KLHDC8B: variants seen among roughly 807,000 people sequenced by gnomAD.
KLHDC8B encodes kelch domain-containing protein 8B.
In KLHDC8B, 19 loss-of-function variants were observed where a neutral mutation model predicts 26.3. The observed-to-expected ratio is 0.72, with a 90% CI of 0.50 to 1.06. The LOEUF (loss-of-function observed/expected upper bound fraction) is 1.06, where lower values mean the gene tolerates loss of function less well. KLHDC8B is among the 50% of genes least tolerant of loss of function. The probability of loss-of-function intolerance (pLI) is 0.00; values close to 1 mark genes in which losing one functional copy is unlikely to be tolerated. For synonymous variants in KLHDC8B, 150 were observed against 188.4 expected (o/e 0.80, Z 1.67); for missense variants, 411 against 488.1 (o/e 0.84, Z 1.49).
At chr3:49,175,203 G>A (rs1461163279) in intron 5 of KLHDC8B, 40 bp downstream of exon 5, 1 of 1,514,456 alleles carries the variant, frequency 6.6e-7, no homozygotes. Flanking sequence ...GGAGTCCCAA[G>A]ACAGGAAAGA....
rs371827527 is a variant in KLHDC8B, at chr3:49,172,776, G to A, written c.7G>A (p.Ala3Thr). The A allele has an allele frequency of 6.2e-7, 1 of 1,611,790 alleles. No homozygotes were observed. Among genetic ancestry groups the A allele is most frequent in the Non-Finnish European group, 8.5e-7 (1 of 1,178,824 alleles). MS[A>T]GGGRAFAWQV... is the part of the protein sequence containing the mutation. ...GCCACTGGCAGTGAACACCATGTCT[G>A]CAGGAGGTGGCCGGGCCTTTGCTTG... The change falls in exon 2 of 6, where the codon GCA becomes ACA. Residue 3 changes from alanine (A) to threonine (T), a missense_variant. Transcript: ENST00000332780.
At chr3:49,173,425 G>T (rs577501856) in intron 2 of KLHDC8B, among the ~76,000 whole-genome samples, 1 of 152,256 alleles carries the variant, frequency 6.6e-6, no homozygotes, top group African/African-American at 2.4e-5. Context: ...TAAGAGATGG[G>T]GGTGGGATGG....
chr3:49,174,508 GAGA>G, intron 3 of KLHDC8B, 105 bp downstream of exon 3: 1 of 1,326,298 alleles, frequency 7.5e-7, no homozygotes, highest in Non-Finnish European at 1.0e-6. Flanking sequence ...GGCAAAACAA[GAGA>G]AGCTTTGTTG....
chr3:49,174,763 C>G lies in KLHDC8B; in HGVS notation c.563C>G (p.Pro188Arg). 6.2e-7 allele frequency: 1 copy of G among 1,609,874 alleles called. No individual in the cohort carries two copies. The highest frequency in any genetic ancestry group is 1.7e-4 in the Middle Eastern group (1 of 6,040). ...YVLGGRQGKLPVTAFEAFDLE... is the reference protein window; with the variant it reads ...YVLGGRQGKLRVTAFEAFDLE... Reference sequence around the variant, plus strand: ...ACAGGGGGCCGCCAGGGCAAGCTCCCGGTGACTGCTTTTGAAGCCTTTGAT... The same window carrying G: ...ACAGGGGGCCGCCAGGGCAAGCTCCGGGTGACTGCTTTTGAAGCCTTTGAT... Residue 188 changes from proline (P) to arginine (R), a missense_variant, in exon 4 of 6, where the codon CCG (proline) becomes CGG (arginine). Transcript: ENST00000332780.
Position 49,174,259 on chromosome 3 carries a change from G to T in KLHDC8B, c.397G>T (p.Gly133Trp), listed in dbSNP as rs754106384. 19 of 1,613,292 alleles carry T rather than the reference G, an allele frequency of 1.2e-5. No homozygotes were observed. Among genetic ancestry groups the T allele is most frequent in the Non-Finnish European group, 1.5e-5 (18 of 1,179,550 alleles). The change falls in exon 3 of 6, where the codon GGG becomes TGG. Residue 133 changes from glycine (G) to tryptophan (W), a missense_variant. Coordinates refer to ENST00000332780, the MANE Select transcript of KLHDC8B (RefSeq NM_173546.3). ...TGCAGATGGTATGGTGTATGCTCTG[G>T]GGGGAATGGGCCCTGACACGGCCCC... ...VERDGMVYALGGMGPDTAPQA... is the reference protein window; with the variant it reads ...VERDGMVYALWGMGPDTAPQA...
chr3:49,173,733 G>A (rs757040893), intron 2 of KLHDC8B, among the ~76,000 whole-genome samples: 2 of 152,140 alleles, frequency 1.3e-5, no homozygotes, highest in Non-Finnish European at 2.9e-5. Context: ...TCCTGGGGCA[G>A]AAGGCTTGTG....
Position 49,174,961 on chromosome 3 carries a change from A to C in KLHDC8B, c.761A>C (p.Glu254Ala). ...FVNTVEMFDL[E>A]HGSWTKLPRS... The stretch of plus-strand genomic sequence containing the variant: ...AACACTGTGGAGATGTTTGACCTGG[A>C]GCATGGTGAGCAGTGGCTGTTCTGG... Residue 254 changes from glutamate to alanine, a missense_variant, in exon 4 of 6, where the codon GAG becomes GCG. Transcript: ENST00000332780. 6.2e-7 allele frequency: 1 copy of C among 1,613,980 alleles called. No individual in the cohort carries two copies. Among genetic ancestry groups the C allele is most frequent in the South Asian group, 1.1e-5 (1 of 91,086 alleles).
At chr3:49,174,505 C>CA in intron 3 of KLHDC8B, 102 bp downstream of exon 3, 1 of 1,332,200 alleles carries the variant, frequency 7.5e-7, no homozygotes, top group Non-Finnish European at 1.0e-6. Flanking sequence ...GATGGCAAAA[C>CA]AAGAGAAGCT....
chr3:49,174,631 G>A (rs774624404), intron 3 of KLHDC8B, 111 bp from the exon 4 acceptor site: 11 of 1,395,066 alleles, frequency 7.9e-6, no homozygotes, highest in Admixed American at 2.6e-5. Flanking sequence ...ATGTGCAAGT[G>A]TGCACACAGC....
rs753755337 is a variant in KLHDC8B, at chr3:49,175,012, G to T, written c.766+46G>T. On this transcript the variant is annotated intron_variant, in intron 4 of 5. Transcript: ENST00000332780. Reference sequence around the variant, plus strand: ...GCTGTCCTCCCGCTCTCTGTGGGATGGAGGGGCATAGTGTGTACATGACTA... The same window carrying T: ...GCTGTCCTCCCGCTCTCTGTGGGATTGAGGGGCATAGTGTGTACATGACTA... 1.1e-5 allele frequency: 18 copies of T among 1,613,962 alleles called. No individual in the cohort carries two copies. The South Asian group carries it at 1.9e-4, about 17-fold the overall frequency.
intron 3 of KLHDC8B, 81 bp downstream of exon 3, chr3:49,174,484 G>T: frequency 6.9e-7 from 1 of 1,458,716 alleles, no homozygotes; most frequent in Non-Finnish European, 9.4e-7. Flanking sequence ...TAGGGATCAG[G>T]CTCAGTCCAG....
rs747674921 is a variant in KLHDC8B, at chr3:49,174,407, A to G, written c.541+4A>G. 7 of 1,610,750 alleles carry G rather than the reference A, an allele frequency of 4.3e-6. No homozygotes were observed. The highest frequency in any genetic ancestry group is 1.3e-5 in the African/African-American group (1 of 74,848). The stretch of plus-strand genomic sequence containing the variant: ...GGGAACAAGATCTATGTCCTGGGTA[A>G]GGGCCTGGGGAATGTGGGAAGGGGG... On this transcript the variant is annotated splice_donor_region_variant and intron_variant, in intron 3 of 5. Coordinates refer to ENST00000332780, the MANE Select transcript of KLHDC8B (RefSeq NM_173546.3).
chr3:49,172,911 ACTG>A lies in KLHDC8B; in HGVS notation c.146_148del (p.Ala49del). 1 of 1,614,050 alleles carries A rather than the reference ACTG, an allele frequency of 6.2e-7. No homozygotes were observed. The highest frequency in any genetic ancestry group is 8.5e-7 in the Non-Finnish European group (1 of 1,180,008). ...TGGCCGGGCTGGACTGCCCCTGGAC[ACTG>A]CTGAGACACTGGACATGGCCTCGCA... On this transcript the variant is annotated inframe_deletion, in exon 2 of 6. Transcript: ENST00000332780.
In KLHDC8B at chr3:49,176,172, T is replaced by C. The variant is rs146662619; in HGVS notation, c.*371T>C. The stretch of plus-strand genomic sequence containing the variant: ...TACCCCAGTTGCCATTCCTGAAAAA[T>C]CTCAGCTGCCAGGCTGCCTTTAGGG... On this transcript the variant is annotated 3_prime_UTR_variant, in exon 6 of 6. Transcript: ENST00000332780. 4.8e-3 allele frequency: 941 copies of C among 195,906 alleles called. 8 individuals are homozygous for C. The highest frequency in any genetic ancestry group is 0.02 in the African/African-American group (866 of 42,796). 12.1% of individuals were successfully genotyped at this position (195,906 alleles called of 1,614,324 possible). A position where few individuals can be genotyped will look rare whatever the true frequency, so the allele number is the denominator to read the frequency against.
intron 2 of KLHDC8B, 40 bp downstream of exon 2, chr3:49,173,185 C>A: frequency 6.6e-7 from 1 of 1,520,942 alleles, no homozygotes; most frequent in Non-Finnish European, 8.8e-7. Flanking sequence ...GGTACCCTAA[C>A]ACCTTTTATT....
rs533929186 is a variant in KLHDC8B, at chr3:49,172,236, A to C, written c.-134-400A>C. The stretch of plus-strand genomic sequence containing the variant: ...TGGGGACCCCCAGGCTGCCCAGGGC[A>C]CCCTGGAAGCCAGTAAGGACTCCCC... On this transcript the variant is annotated intron_variant, in intron 1 of 5. Coordinates refer to ENST00000332780, the MANE Select transcript of KLHDC8B (RefSeq NM_173546.3). Among the ~76,000 whole-genome samples the C allele has an allele frequency of 6.0e-3, 917 of 152,156 alleles. 17 individuals carry two copies. Among genetic ancestry groups the C allele is most frequent in the Non-Finnish European group, 3.8e-3 (256 of 67,950 alleles).
Position 49,175,991 on chromosome 3 carries a change from C to T in KLHDC8B, c.*190C>T, listed in dbSNP as rs921050417. 1.0e-5 allele frequency: 6 copies of T among 596,038 alleles called. No individual in the cohort carries two copies. The highest frequency in any genetic ancestry group is 9.3e-5 in the African/African-American group (5 of 53,724). The allele number at this position is 596,038 out of a possible 1,614,324, so 36.9% of individuals were successfully genotyped here. A position where few individuals can be genotyped will look rare whatever the true frequency, so the allele number is the denominator to read the frequency against. On this transcript the variant is annotated 3_prime_UTR_variant, in exon 6 of 6. Coordinates refer to ENST00000332780, the MANE Select transcript of KLHDC8B (RefSeq NM_173546.3). ...GTCTTTAGTGCAGGACACACATATG[C>T]TTACACCTACCTTTATCACCATTCG...
Position 49,176,127 on chromosome 3 carries a change from T to C in KLHDC8B, c.*326T>C. 3.4e-6 allele frequency: 1 copy of C among 295,090 alleles called. No individual in the cohort carries two copies. Among genetic ancestry groups the C allele is most frequent in the Non-Finnish European group, 6.3e-6 (1 of 158,540 alleles). 18.3% of individuals were successfully genotyped at this position (295,090 alleles called of 1,614,324 possible). On this transcript the variant is annotated 3_prime_UTR_variant, in exon 6 of 6. Coordinates refer to ENST00000332780, the MANE Select transcript of KLHDC8B (RefSeq NM_173546.3). Reference sequence around the variant, plus strand: ...CCTCATGCTCTTCAGGGTCAGTTCCTATCTGGAGTTGACCAGGCCTACCCC... The same window carrying C: ...CCTCATGCTCTTCAGGGTCAGTTCCCATCTGGAGTTGACCAGGCCTACCCC...
intron 3 of KLHDC8B, 97 bp downstream of exon 3, chr3:49,174,500 C>A (rs1364350694): frequency 2.2e-6 from 3 of 1,355,448 alleles, no homozygotes; most frequent in Admixed American, 2.3e-5. Context: ...TCCAGGATGG[C>A]AAAACAAGAG....
Sources: gnomAD v4.1 joint callset for allele counts (sites outside exome capture counted in the v4.1 genomes callset) on GRCh38, gnomAD v4.1.1 for gene constraint, MANE v1.5 for transcripts, NCBI Gene and HGNC (gene_info 2026-07-23, HGNC 2026-07-21) for gene names.